SMYD3: variants seen among roughly 807,000 people sequenced by gnomAD.
The protein encoded by SMYD3 is SET and MYND domain containing 3.
Under a neutral mutation model 57.7 loss-of-function variants are expected in SMYD3, and 36 were observed. The observed-to-expected ratio is 0.62, with a 90% confidence interval of 0.48 to 0.82. The LOEUF (loss-of-function observed/expected upper bound fraction) is 0.82, where lower values mean the gene tolerates loss of function less well. SMYD3 is among the 40% of genes least tolerant of loss of function. SMYD3 has a pLI of 0.00. For synonymous variants in SMYD3, 211 were observed against 195.0 expected, an observed-to-expected ratio of 1.08 and a Z score of -0.68; for missense variants, 515 against 538.8, an observed-to-expected ratio of 0.96 and a Z score of 0.44.
At chr1:245,768,258 A>G (rs1198274973) in intron 10 of SMYD3, among the ~76,000 whole-genome samples, 1 of 152,232 alleles carries the variant, frequency 6.6e-6, no homozygotes, top group Non-Finnish European at 1.5e-5. Flanking sequence ...GAATAAGTGC[A>G]TAAGAAGAAA....
At chr1:246,470,115 A>AT (rs2067937902) in intron 1 of SMYD3, among the ~76,000 whole-genome samples, 1 of 152,220 alleles carries the variant, frequency 6.6e-6, no homozygotes, top group African/African-American at 2.4e-5. Context: ...CTTCAAAAAT[A>AT]TTAATATCAT....
intron 1 of SMYD3, among the ~76,000 whole-genome samples, chr1:246,379,257 TAAG>T (rs2066348797): frequency 6.7e-6 from 1 of 148,938 alleles, no homozygotes; most frequent in South Asian, 2.2e-4. Flanking sequence ...ATGGGTGTAA[TAAG>T]AATAAAACTT....
At chr1:245,806,658 C>T (rs912907631) in intron 10 of SMYD3, among the ~76,000 whole-genome samples, 7 of 151,984 alleles carry the variant, frequency 4.6e-5, no homozygotes, top group Non-Finnish European at 7.4e-5. Flanking sequence ...CGCCTGTAAT[C>T]CCAGCACTTT....
chr1:246,258,311 A>T (rs1248047404), intron 5 of SMYD3, among the ~76,000 whole-genome samples: 4 of 152,204 alleles, frequency 2.6e-5, no homozygotes, highest in Admixed American at 6.5e-5. Flanking sequence ...CTGGGATTAC[A>T]GGAGTGAGCC....
chr1:246,120,446 T>C (rs1343796289), intron 5 of SMYD3, among the ~76,000 whole-genome samples: 1 of 152,146 alleles, frequency 6.6e-6, no homozygotes, highest in African/African-American at 2.4e-5. Flanking sequence ...GCTTCCCGTA[T>C]AGTTTTTGCT....
intron 1 of SMYD3, among the ~76,000 whole-genome samples, chr1:246,382,620 C>A (rs771978391): frequency 8.6e-5 from 13 of 152,020 alleles, no homozygotes; most frequent in Non-Finnish European, 1.8e-4. Flanking sequence ...TTCCAGCAGA[C>A]CCAGGGTCCA....
chr1:246,235,383 CAA>C (rs1401633387), intron 5 of SMYD3, among the ~76,000 whole-genome samples: 1 of 152,126 alleles, frequency 6.6e-6, no homozygotes, highest in African/African-American at 2.4e-5. Flanking sequence ...GAATATGTTG[CAA>C]AAGTGTTATT....
chr1:246,326,611 A>T (rs1234230631), intron 5 of SMYD3, among the ~76,000 whole-genome samples: 2 of 151,846 alleles, frequency 1.3e-5, no homozygotes, highest in African/African-American at 4.8e-5. Context: ...AAAAAAAACA[A>T]AATTTAGCTG....
intron 5 of SMYD3, among the ~76,000 whole-genome samples, chr1:246,028,419 A>T (rs2059613450): frequency 6.6e-6 from 1 of 152,216 alleles, no homozygotes; most frequent in Admixed American, 6.5e-5. Flanking sequence ...TCAATATACA[A>T]AACTATACAT....
rs554629615 is a variant in SMYD3 at position 246,116,081 on chromosome 1, A to G, written c.532-186144T>C. ...CTTGAACCTGGGAGGCAGAGGTTGC[A>G]GTGAGCCGAGATCATACCACTGCGC... is the stretch of plus-strand genomic sequence containing the variant. On this transcript the variant is annotated intron_variant, in intron 5 of 11. Coordinates refer to ENST00000490107, the MANE Select transcript of SMYD3 (RefSeq NM_001167740.2). Among the ~76,000 whole-genome samples, 5 of 152,108 alleles carry G rather than the reference A, an allele frequency of 3.3e-5. No homozygotes were observed. The South Asian group carries it at 1.0e-3, about 32-fold the overall frequency.
intron 10 of SMYD3, among the ~76,000 whole-genome samples, chr1:245,817,187 C>G (rs1048493360): frequency 6.7e-6 from 1 of 148,920 alleles, no homozygotes; most frequent in Non-Finnish European, 1.5e-5. Context: ...TCCCAGCACG[C>G]AGCTGGAGAT....
At chr1:246,087,944 T>C (rs2787989) in intron 5 of SMYD3, among the ~76,000 whole-genome samples, 124,696 of 151,994 alleles carry the variant, frequency 0.82, 51,619 homozygotes, top group Admixed American at 0.88. Flanking sequence ...TTTATCTAGT[T>C]GCACAATGAC....
intron 5 of SMYD3, among the ~76,000 whole-genome samples, chr1:246,132,466 G>A (rs1489161545): frequency 6.6e-6 from 1 of 152,010 alleles, no homozygotes; most frequent in Non-Finnish European, 1.5e-5. Context: ...GAATGAAGTT[G>A]GATGCTTACG....
chr1:246,429,159 T>G (rs2067263691), intron 1 of SMYD3, among the ~76,000 whole-genome samples: 1 of 150,980 alleles, frequency 6.6e-6, no homozygotes, highest in Admixed American at 6.6e-5. Context: ...ATAAGGGAAG[T>G]CTACCCCACC....
At chr1:246,129,404 T>TAA (rs60507407) in intron 5 of SMYD3, among the ~76,000 whole-genome samples, 5 of 142,436 alleles carry the variant, frequency 3.5e-5, no homozygotes, top group East Asian at 2.0e-4. Flanking sequence ...TCAAATACAG[T>TAA]AAAAAAAAAA....
At position 245,997,402 on chromosome 1, in the gene SMYD3, C is replaced by T. The variant is rs527724488; in HGVS notation, c.532-67465G>A. Among the ~76,000 whole-genome samples, 258 of 152,356 alleles carry T rather than the reference C, an allele frequency of 1.7e-3. 2 individuals carry two copies. The highest frequency in any genetic ancestry group is 5.8e-3 in the African/African-American group (241 of 41,580). On this transcript the variant is annotated intron_variant, in intron 5 of 11. Coordinates refer to ENST00000490107, the MANE Select transcript of SMYD3 (RefSeq NM_001167740.2). ...CTGAGCTGCTATTTCAGCACGCTTGCTGCTGGGAGACACAGAAGACATCCT... is the reference window on the plus strand; with the variant it reads ...CTGAGCTGCTATTTCAGCACGCTTGTTGCTGGGAGACACAGAAGACATCCT...
At chr1:246,023,225 A>G (rs1379786281) in intron 5 of SMYD3, among the ~76,000 whole-genome samples, 1 of 152,212 alleles carries the variant, frequency 6.6e-6, no homozygotes, top group Non-Finnish European at 1.5e-5. Flanking sequence ...GCTCTTGCTA[A>G]TCAGTGAGAA....
At chr1:246,346,606 G>C (rs2148690285) in intron 2 of SMYD3, among the ~76,000 whole-genome samples, 1 of 152,234 alleles carries the variant, frequency 6.6e-6, no homozygotes, top group South Asian at 2.1e-4. Flanking sequence ...AGCAAAGCAG[G>C]AAGCCCCTTA....
At chr1:246,061,375 G>A (rs1461700637) in intron 5 of SMYD3, among the ~76,000 whole-genome samples, 1 of 151,998 alleles carries the variant, frequency 6.6e-6, no homozygotes, top group African/African-American at 2.4e-5. Context: ...GTTTCTTTAG[G>A]ATCAAATGCG....
Sources: gnomAD v4.1 joint callset for allele counts (sites outside exome capture counted in the v4.1 genomes callset) on GRCh38, gnomAD v4.1.1 for gene constraint, MANE v1.5 for transcripts, NCBI Gene and HGNC (gene_info 2026-07-23, HGNC 2026-07-21) for gene names.